Variants in TTC29 observed in about 807,000 individuals in gnomAD.
The protein encoded by TTC29 is tetratricopeptide repeat protein 29.
In TTC29, 49 loss-of-function variants were observed where a neutral mutation model predicts 58.1. The observed-to-expected ratio is 0.84, with a 90% confidence interval of 0.67 to 1.07. The LOEUF is 1.07. Among genes scored for constraint, TTC29 ranks in the 50% least tolerant of loss-of-function variants. The pLI is 0.00. For synonymous variants in TTC29, 209 were observed against 196.8 expected (o/e 1.06, Z -0.52); for missense variants, 582 against 555.6 (o/e 1.05, Z -0.48).
At chr4:146,860,891 T>C (rs896549912) in intron 8 of TTC29, among the ~76,000 whole-genome samples, 4 of 152,182 alleles carry the variant, frequency 2.6e-5, no homozygotes, top group Non-Finnish European at 5.9e-5. Flanking sequence ...TTCTAAACTG[T>C]TACAAAGATG....
intron 6 of TTC29, among the ~76,000 whole-genome samples, chr4:146,877,508 A>G (rs1044169854): frequency 1.3e-4 from 20 of 152,094 alleles, no homozygotes; most frequent in African/African-American, 4.3e-4. Flanking sequence ...CATCTCTCCC[A>G]CGTAGCACCT....
chr4:146,797,322 C>T (rs920528497), intron 11 of TTC29, among the ~76,000 whole-genome samples: 3 of 152,196 alleles, frequency 2.0e-5, no homozygotes, highest in African/African-American at 7.2e-5. Flanking sequence ...ATTATTTTTA[C>T]TGACATATTT....
At chr4:146,923,256 C>T (rs966194332) in intron 4 of TTC29, among the ~76,000 whole-genome samples, 1 of 151,686 alleles carries the variant, frequency 6.6e-6, no homozygotes, top group African/African-American at 2.4e-5. Context: ...TTTTACAAAA[C>T]CTTAAACTGT....
intron 6 of TTC29, among the ~76,000 whole-genome samples, chr4:146,901,103 A>T (rs890243730): frequency 6.6e-6 from 1 of 152,224 alleles, no homozygotes; most frequent in Non-Finnish European, 1.5e-5. Flanking sequence ...GTGTAATTAC[A>T]AAAACAAAAT....
chr4:146,857,474 G>A (rs774233463), intron 8 of TTC29, among the ~76,000 whole-genome samples: 6 of 152,130 alleles, frequency 3.9e-5, no homozygotes, highest in Middle Eastern at 6.8e-3. Context: ...TGCTGAGACC[G>A]CTGAGCCTAC....
At chr4:146,708,071 CT>C (rs1437449078) in intron 11 of TTC29, among the ~76,000 whole-genome samples, 1 of 151,828 alleles carries the variant, frequency 6.6e-6, no homozygotes, top group Non-Finnish European at 1.5e-5. Flanking sequence ...GTGAAGCTGC[CT>C]TTGACCCTTC....
At chr4:146,804,755 C>T (rs1750483090) in intron 10 of TTC29, among the ~76,000 whole-genome samples, 1 of 152,152 alleles carries the variant, frequency 6.6e-6, no homozygotes, top group Admixed American at 6.5e-5. Flanking sequence ...ATAGATAAAA[C>T]TCCCATCTCC....
chr4:146,931,660 T>G (rs1485939846), intron 4 of TTC29, among the ~76,000 whole-genome samples: 1 of 152,218 alleles, frequency 6.6e-6, no homozygotes, highest in Admixed American at 6.5e-5. Flanking sequence ...TGCTTTCCTC[T>G]TAGAGACATC....
chr4:146,825,419 AG>A (rs752336067), intron 9 of TTC29, among the ~76,000 whole-genome samples: 158 of 152,288 alleles, frequency 1.0e-3, no homozygotes, highest in Non-Finnish European at 6.6e-4. Flanking sequence ...GTTTTGAGTG[AG>A]TTTCTTAATC....
intron 6 of TTC29, among the ~76,000 whole-genome samples, chr4:146,891,596 T>C (rs1462770675): frequency 6.6e-6 from 1 of 152,154 alleles, no homozygotes; most frequent in African/African-American, 2.4e-5. Flanking sequence ...AGCTGGGAGA[T>C]AAAACACAGG....
intron 8 of TTC29, among the ~76,000 whole-genome samples, chr4:146,845,889 T>C (rs1394848571): frequency 6.6e-6 from 1 of 150,930 alleles, no homozygotes; most frequent in African/African-American, 2.4e-5. Flanking sequence ...GAAACATATC[T>C]ACTTATTATT....
At chr4:146,753,229 A>C (rs1746158262) in intron 11 of TTC29, among the ~76,000 whole-genome samples, 2 of 152,194 alleles carry the variant, frequency 1.3e-5, no homozygotes, top group South Asian at 2.1e-4. Flanking sequence ...ACCCCATCAA[A>C]AAGTGGGCAA....
chr4:146,717,407 A>G (rs13149826), intron 11 of TTC29, among the ~76,000 whole-genome samples: 12,600 of 151,976 alleles, frequency 0.083, 550 homozygotes, highest in Middle Eastern at 0.12. Flanking sequence ...CCTCCCAGGT[A>G]GCTGGGATTA....
At chr4:146,785,848 T>C (rs1484873117) in intron 11 of TTC29, among the ~76,000 whole-genome samples, 1 of 147,930 alleles carries the variant, frequency 6.8e-6, no homozygotes, top group Non-Finnish European at 1.5e-5. Flanking sequence ...ATTTTACTTA[T>C]GATTAAACTG....
At chr4:146,748,595 G>A (rs1745724447) in intron 11 of TTC29, among the ~76,000 whole-genome samples, 1 of 152,132 alleles carries the variant, frequency 6.6e-6, no homozygotes. Flanking sequence ...ACAAACTCCT[G>A]CAGTCTCAAC....
intron 11 of TTC29, among the ~76,000 whole-genome samples, chr4:146,762,470 T>C (rs1746986784): frequency 6.6e-6 from 1 of 151,890 alleles, no homozygotes; most frequent in African/African-American, 2.4e-5. Flanking sequence ...ATCATCTCCT[T>C]GGATAACGTA....
chr4:146,906,185 C>A (rs1229596184), intron 5 of TTC29, among the ~76,000 whole-genome samples: 1 of 151,672 alleles, frequency 6.6e-6, no homozygotes, highest in Non-Finnish European at 1.5e-5. Flanking sequence ...GTATCAGGGA[C>A]AAAGAAACAC....
At chr4:146,896,220 T>G (rs1732761194) in intron 6 of TTC29, among the ~76,000 whole-genome samples, 1 of 152,310 alleles carries the variant, frequency 6.6e-6, no homozygotes, top group African/African-American at 2.4e-5. Context: ...CATAATGCAG[T>G]TTCTGAACCT....
intron 6 of TTC29, among the ~76,000 whole-genome samples, chr4:146,898,037 A>T (rs1216678393): frequency 2.0e-5 from 3 of 152,188 alleles, no homozygotes; most frequent in African/African-American, 7.2e-5. Flanking sequence ...GATGGGATGG[A>T]TACTGTACTG....
Sources: gnomAD v4.1 joint callset for allele counts (sites outside exome capture counted in the v4.1 genomes callset) on GRCh38, gnomAD v4.1.1 for gene constraint, MANE v1.5 for transcripts, NCBI Gene and HGNC (gene_info 2026-07-23, HGNC 2026-07-21) for gene names.